TLR2: variants seen among roughly 807,000 people sequenced by gnomAD.
TLR2 encodes toll-like receptor 2.
Under a neutral mutation model 9.1 loss-of-function variants are expected in TLR2, and 7 were observed. The observed-to-expected ratio is 0.77, with a 90% CI of 0.44 to 1.44. The LOEUF is 1.44. Among genes scored for constraint, TLR2 ranks in the 40% most tolerant of loss-of-function variants. The pLI is 0.01. For missense variants in TLR2, 812 were observed against 904.6 expected (o/e 0.90, Z 1.31); for synonymous variants, 317 against 344.6 (o/e 0.92, Z 0.89).
intron 2 of TLR2, among the ~76,000 whole-genome samples, chr4:153,692,026 T>C (rs1194397636): frequency 2.0e-5 from 3 of 152,214 alleles, no homozygotes; most frequent in African/African-American, 4.8e-5. Context: ...GTAGGTTCAA[T>C]TGCTTGCCCT....
intron 1 of TLR2, among the ~76,000 whole-genome samples, chr4:153,687,486 A>G (rs1469296847): frequency 6.6e-6 from 1 of 152,234 alleles, no homozygotes; most frequent in Non-Finnish European, 1.5e-5. Flanking sequence ...GTTAAATGAC[A>G]TAAGCAGGAG....
intron 2 of TLR2, among the ~76,000 whole-genome samples, chr4:153,693,197 C>T (rs528070272): frequency 9.1e-4 from 139 of 152,190 alleles, no homozygotes; most frequent in Admixed American, 2.1e-3. Context: ...TGTACTTGCA[C>T]GCCTTTTAAA....
chr4:153,710,031 G>T (rs1353884155), downstream of TLR2: 1 of 176,446 alleles, frequency 5.7e-6, no homozygotes, highest in African/African-American at 2.4e-5. Context: ...ATGGCTAAAT[G>T]TTGTGTGTGA....
In TLR2 at chr4:153,704,362, C is replaced by T; in HGVS notation, c.1455C>T (p.Ser485=). 2 of 1,613,766 alleles carry T rather than the reference C, an allele frequency of 1.2e-6. No homozygotes were observed. The highest frequency in any genetic ancestry group is 1.7e-6 in the Non-Finnish European group (2 of 1,179,974). Residue 485 remains serine, a synonymous_variant, in exon 3 of 3, where the codon TCC becomes TCT. Coordinates refer to ENST00000642700, the MANE Select transcript of TLR2 (RefSeq NM_001318789.2). ...NLPQLKELYI[S]RNKLMTLPDA... ...CGCAACTCAAAGAACTTTATATTTC[C>T]AGAAATAAGTTGATGACTCTACCAG...
Position 153,703,659 on chromosome 4 carries a change from T to C in TLR2, c.752T>C (p.Ile251Thr). Residue 251 changes from isoleucine to threonine, a missense_variant, in exon 3 of 3, where the codon ATT (isoleucine) becomes ACT (threonine). Coordinates refer to ENST00000642700, the MANE Select transcript of TLR2 (RefSeq NM_001318789.2). ...ELSTGETNSL[I>T]KKFTFRNVKI... ...TCCACTGGTGAAACAAATTCATTGA[T>C]TAAAAAGTTTACATTTAGAAATGTG... 6.2e-7 allele frequency: 1 copy of C among 1,612,976 alleles called. No homozygotes were observed. The highest frequency in any genetic ancestry group is 8.5e-7 in the Non-Finnish European group (1 of 1,179,696).
rs1439138145 is a variant in TLR2, at chr4:153,706,078, TACAGGATGAGA to T, written c.*818_*828del. ...GTGCTGTGTATTTCCTATTAAACTT[TACAGGATGAGA>T]AATACTAGAGGGTGTATTTTCATGT... On this transcript the variant is annotated 3_prime_UTR_variant, in exon 3 of 3. Coordinates refer to ENST00000642700, the MANE Select transcript of TLR2 (RefSeq NM_001318789.2). 1.3e-5 allele frequency among the ~76,000 whole-genome samples: 2 copies of T among 152,254 alleles called. No homozygotes were observed. Among genetic ancestry groups the T allele is most frequent in the African/African-American group, 2.4e-5 (1 of 41,458 alleles).
chr4:153,707,101 T>C (rs146469222), downstream of TLR2, among the ~76,000 whole-genome samples: 30 of 152,268 alleles, frequency 2.0e-4, no homozygotes, highest in African/African-American at 6.5e-4. Context: ...TTTTCTGTTA[T>C]GGATACTAGC....
At chr4:153,693,519 G>A (rs1434910192) in intron 2 of TLR2, among the ~76,000 whole-genome samples, 1 of 152,174 alleles carries the variant, frequency 6.6e-6, no homozygotes, top group East Asian at 1.9e-4. Context: ...AGTCACTGGG[G>A]CGACTACTTT....
At chr4:153,701,575 G>A (rs2127057040) in intron 2 of TLR2, 1 of 152,250 alleles carries the variant, frequency 6.6e-6, no homozygotes, top group African/African-American at 2.4e-5. Flanking sequence ...GAAGCTTTTG[G>A]AGATGATGAA....
chr4:153,689,966 G>A (rs575982298), intron 2 of TLR2, among the ~76,000 whole-genome samples: 41 of 152,116 alleles, frequency 2.7e-4, no homozygotes, highest in South Asian at 2.5e-3. Flanking sequence ...GAGGGTCCTC[G>A]GGATCCTCCC....
chr4:153,708,692 C>A (rs1298306770), downstream of TLR2, among the ~76,000 whole-genome samples: 1 of 152,128 alleles, frequency 6.6e-6, no homozygotes, highest in African/African-American at 2.4e-5. Flanking sequence ...AGCACAGAAG[C>A]CTTTTGTTCT....
At chr4:153,707,599 A>C (rs1170500236), downstream of TLR2, among the ~76,000 whole-genome samples, 1 of 152,154 alleles carries the variant, frequency 6.6e-6, no homozygotes, top group Admixed American at 6.5e-5. Flanking sequence ...TAGAGGAAGG[A>C]AACTTGAGAT....
downstream of TLR2, chr4:153,710,585 G>T: frequency 8.6e-7 from 1 of 1,161,892 alleles, no homozygotes; most frequent in South Asian, 1.5e-5. Flanking sequence ...GTAATGAATG[G>T]GTATTTCCTT....
chr4:153,702,760 C>G (rs201074250), intron 2 of TLR2, 132 bp from the exon 3 acceptor site: 20 of 392,566 alleles, frequency 5.1e-5, no homozygotes, highest in Middle Eastern at 8.1e-4. Flanking sequence ...CTCTCTCTCT[C>G]TTTGTGTGTG....
chr4:153,699,172 A>C (rs1297432030), intron 2 of TLR2, among the ~76,000 whole-genome samples: 1 of 152,136 alleles, frequency 6.6e-6, no homozygotes, highest in Admixed American at 6.5e-5. Flanking sequence ...ACAGTGTCCC[A>C]CAGGGAACTG....
At chr4:153,694,734 T>C (rs1560741675) in intron 2 of TLR2, among the ~76,000 whole-genome samples, 2 of 152,230 alleles carry the variant, frequency 1.3e-5, no homozygotes, top group South Asian at 4.1e-4. Flanking sequence ...TTGACTGTGG[T>C]CACCCTGTTT....
intron 2 of TLR2, among the ~76,000 whole-genome samples, chr4:153,699,948 G>C (rs548807193): frequency 1.2e-3 from 185 of 152,270 alleles, no homozygotes; most frequent in Middle Eastern, 3.4e-3. Context: ...AATTTATAAA[G>C]AAAAGAGGCT....
At chr4:153,697,596 A>G (rs1029281646) in intron 2 of TLR2, among the ~76,000 whole-genome samples, 2 of 152,164 alleles carry the variant, frequency 1.3e-5, no homozygotes, top group Non-Finnish European at 2.9e-5. Flanking sequence ...TGACTTCTCA[A>G]AATCAAATTC....
chr4:153,698,041 A>C (rs745753327), intron 2 of TLR2, among the ~76,000 whole-genome samples: 20 of 152,304 alleles, frequency 1.3e-4, no homozygotes, highest in Middle Eastern at 3.4e-3. Context: ...TTTCCGGAAC[A>C]CTGTGAAAAA....
Sources: gnomAD v4.1 joint callset for allele counts (sites outside exome capture counted in the v4.1 genomes callset) on GRCh38, gnomAD v4.1.1 for gene constraint, MANE v1.5 for transcripts, NCBI Gene and HGNC (gene_info 2026-07-23, HGNC 2026-07-21) for gene names.